The following OTC variants were observed in gnomAD, a reference collection of about 807,000 sequenced individuals.
The protein encoded by OTC is ornithine transcarbamylase.
Under a neutral mutation model 30.3 loss-of-function variants are expected in OTC, and 3 were observed. The observed-to-expected ratio is 0.10, with a 90% confidence interval of 0.05 to 0.26. OTC has a LOEUF of 0.26. OTC is among the 10% of genes least tolerant of loss of function. OTC has a pLI of 1.00. For synonymous variants in OTC, 111 were observed against 99.7 expected (o/e 1.11, Z -0.67); for missense variants, 194 against 260.3 (o/e 0.75, Z 1.75).
At chrX:38,386,959 T>A (rs2068406835) in intron 4 of OTC, among the ~76,000 whole-genome samples, 2 of 112,290 alleles carry the variant, frequency 1.8e-5, no homozygotes, top group African/African-American at 6.5e-5. Flanking sequence ...TGTCAACACT[T>A]GTTATCTTTT....
chrX:38,335,709 A>G, the OTC span, among the ~76,000 whole-genome samples: 2 of 112,791 alleles, frequency 1.8e-5, no homozygotes, highest in African/African-American at 6.4e-5. Context: ...GCAATTGTAT[A>G]TCTGTGAACA....
chrX:38,415,331 G>A (rs2147347945), intron 9 of OTC, among the ~76,000 whole-genome samples: 1 of 108,622 alleles, frequency 9.2e-6, no homozygotes, highest in African/African-American at 3.3e-5. Flanking sequence ...CACCTGCCTC[G>A]GCCTCCCAAA....
intron 4 of OTC, among the ~76,000 whole-genome samples, chrX:38,396,662 A>G (rs2068458919): frequency 9.0e-6 from 1 of 110,933 alleles, no homozygotes; most frequent in African/African-American, 3.3e-5. Context: ...AATCCAAGCT[A>G]CTTGGTAGAC....
chrX:38,327,738 C>T, the OTC span, among the ~76,000 whole-genome samples: 5 of 112,984 alleles, frequency 4.4e-5, no homozygotes, highest in Admixed American at 3.7e-4. Flanking sequence ...GCCCTTGTGC[C>T]GTTGGAGGTC....
chrX:38,330,339 A>C, the OTC span, among the ~76,000 whole-genome samples: 1 of 112,282 alleles, frequency 8.9e-6, no homozygotes, highest in East Asian at 2.8e-4. Flanking sequence ...TTCACACTTC[A>C]GAACTACAAT....
chrX:38,373,108 A>G (rs902615032), intron 3 of OTC, among the ~76,000 whole-genome samples: 1 of 112,363 alleles, frequency 8.9e-6, no homozygotes, highest in African/African-American at 3.2e-5. Context: ...ATGAATTCTT[A>G]CAGTGAGCAA....
At chrX:38,332,222 C>T in the OTC span, among the ~76,000 whole-genome samples, 1 of 78,713 alleles carries the variant, frequency 1.3e-5, no homozygotes, top group African/African-American at 4.7e-5. Flanking sequence ...TCAGGGCTCC[C>T]ACTGATTCTA....
chrX:38,369,775 A>G (rs1602015722), intron 2 of OTC, 21 bp from the exon 3 acceptor site: 2 of 984,356 alleles, frequency 2.0e-6, no homozygotes, highest in East Asian at 3.1e-5. Context: ...TTTTAATTCT[A>G]TTCTTGTCCT....
the OTC span, among the ~76,000 whole-genome samples, chrX:38,344,312 A>C: frequency 9.1e-6 from 1 of 110,492 alleles, no homozygotes; most frequent in Non-Finnish European, 1.9e-5. Flanking sequence ...CTAATGGGTG[A>C]TTTCCTTTAC....
At chrX:38,352,343 C>T (rs1016217682), upstream of OTC, among the ~76,000 whole-genome samples, 15 of 111,815 alleles carry the variant, frequency 1.3e-4, no homozygotes, top group African/African-American at 4.6e-4. Context: ...CAGCCGGTAC[C>T]GCAGTGCCTT....
At chrX:38,422,451 G>A (rs1374323988), downstream of OTC, among the ~76,000 whole-genome samples, 3 of 111,767 alleles carry the variant, frequency 2.7e-5, no homozygotes, top group Non-Finnish European at 5.6e-5. Context: ...ATTGTGGAAG[G>A]CTCACCCTCA....
At chrX:38,368,981 A>G (rs1385566757) in intron 2 of OTC, among the ~76,000 whole-genome samples, 5 of 109,295 alleles carry the variant, frequency 4.6e-5, no homozygotes, top group African/African-American at 1.7e-4. Context: ...GATTGTTTTC[A>G]AATGACTTCC....
chrX:38,377,539 A>G (rs756473950), intron 3 of OTC, among the ~76,000 whole-genome samples: 5 of 112,148 alleles, frequency 4.5e-5, no homozygotes, highest in Non-Finnish European at 9.4e-5. Context: ...TTGAAAAGAT[A>G]CACTTTCAAA....
At chrX:38,398,291 C>G (rs774420226) in intron 4 of OTC, among the ~76,000 whole-genome samples, 1 of 111,869 alleles carries the variant, frequency 8.9e-6, no homozygotes, top group African/African-American at 3.2e-5. Flanking sequence ...TTTAAAAGGC[C>G]TTGATTTCTT....
At chrX:38,360,473 A>T (rs2068266190) in intron 1 of OTC, among the ~76,000 whole-genome samples, 1 of 111,901 alleles carries the variant, frequency 8.9e-6, no homozygotes, top group Non-Finnish European at 1.9e-5. Flanking sequence ...ATTACAAACA[A>T]AATGAAGGTA....
chrX:38,363,343 CAAG>C (rs1237046478), intron 1 of OTC, among the ~76,000 whole-genome samples: 1 of 111,873 alleles, frequency 8.9e-6, no homozygotes, highest in Non-Finnish European at 1.9e-5. Context: ...GACATGTAGT[CAAG>C]AAGGTTTATC....
intron 9 of OTC, among the ~76,000 whole-genome samples, chrX:38,412,739 G>A (rs1242346747): frequency 1.8e-5 from 2 of 111,916 alleles, no homozygotes; most frequent in Admixed American, 1.9e-4. Flanking sequence ...ACTTGCAAAC[G>A]GGAGTCCACT....
intron 2 of OTC, 59 bp downstream of exon 2, chrX:38,367,488 C>A: frequency 9.7e-6 from 10 of 1,031,165 alleles, no homozygotes; most frequent in Non-Finnish European, 1.4e-5. Context: ...TTAAAGGCAG[C>A]CTTCCCAAAG....
At chrX:38,334,870 C>G in the OTC span, among the ~76,000 whole-genome samples, 1 of 111,493 alleles carries the variant, frequency 9.0e-6, no homozygotes, top group African/African-American at 3.3e-5. Context: ...GCATTACCGC[C>G]TGAGCTTCAC....
Sources: gnomAD v4.1 joint callset for allele counts (sites outside exome capture counted in the v4.1 genomes callset) on GRCh38, gnomAD v4.1.1 for gene constraint, MANE v1.5 for transcripts, NCBI Gene and HGNC (gene_info 2026-07-23, HGNC 2026-07-21) for gene names.